The following BCL2 variants were observed in gnomAD, a reference collection of about 807,000 sequenced individuals.
The protein encoded by BCL2 is BCL2 apoptosis regulator.
In BCL2, 1 loss-of-function variant was observed where a neutral mutation model predicts 14.2. The observed-to-expected ratio is 0.07, with a 90% CI of 0.02 to 0.33. The LOEUF (loss-of-function observed/expected upper bound fraction) is 0.33, where lower values mean the gene tolerates loss of function less well. Ranked by LOEUF, BCL2 falls within the 10% of genes least tolerant of loss-of-function variation. The pLI is 0.99. For synonymous variants in BCL2, 151 were observed against 137.2 expected, an observed-to-expected ratio of 1.10 and a Z score of -0.70; for missense variants, 247 against 305.9, an observed-to-expected ratio of 0.81 and a Z score of 1.44.
intron 2 of BCL2, among the ~76,000 whole-genome samples, chr18:63,165,607 C>T (rs1915024170): frequency 6.6e-6 from 1 of 152,232 alleles, no homozygotes; most frequent in South Asian, 2.1e-4. Flanking sequence ...AATGGCTACA[C>T]AACCGGAAAA....
At chr18:63,283,511 T>C (rs1007829531) in intron 2 of BCL2, among the ~76,000 whole-genome samples, 1 of 152,226 alleles carries the variant, frequency 6.6e-6, no homozygotes, top group Non-Finnish European at 1.5e-5. Flanking sequence ...AGCCTAAAGA[T>C]GTTTGCGTGG....
intron 2 of BCL2, among the ~76,000 whole-genome samples, chr18:63,153,323 C>T (rs891242234): frequency 3.3e-5 from 5 of 152,196 alleles, no homozygotes; most frequent in Non-Finnish European, 5.9e-5. Context: ...AAGTGCCTGG[C>T]AGCAAAGGCA....
At chr18:63,202,400 A>C (rs754345063) in intron 2 of BCL2, among the ~76,000 whole-genome samples, 12 of 152,210 alleles carry the variant, frequency 7.9e-5, no homozygotes, top group Non-Finnish European at 4.4e-5. Flanking sequence ...GATTTAGAAG[A>C]CCTGGTCTGA....
At chr18:63,289,696 C>T (rs980605975) in intron 2 of BCL2, among the ~76,000 whole-genome samples, 2 of 152,112 alleles carry the variant, frequency 1.3e-5, no homozygotes, top group Non-Finnish European at 2.9e-5. Context: ...GAGTTCAAGA[C>T]CAGCCTGGCC....
intron 2 of BCL2, among the ~76,000 whole-genome samples, chr18:63,277,001 C>G (rs998804017): frequency 1.2e-4 from 19 of 152,104 alleles, no homozygotes; most frequent in Admixed American, 1.0e-3. Flanking sequence ...TTGGGTCTGG[C>G]CAGGGCTGCT....
rs562560425 is a variant in BCL2 at position 63,232,137 on chromosome 18, ACT to A, written c.585+85943_585+85944del. Among the ~76,000 whole-genome samples the A allele has an allele frequency of 1.5e-4, 23 of 152,216 alleles. 1 individual carries two copies. The East Asian group carries it at 4.4e-3, about 29-fold the overall frequency. On this transcript the variant is annotated intron_variant, in intron 2 of 2. Coordinates refer to ENST00000333681, the MANE Select transcript of BCL2 (RefSeq NM_000633.3). ...TATGGAGAAAAAAAATAGATCACTA[ACT>A]CACACTATATCCAAAAATGAATTCC...
chr18:63,274,277 CTTTTTTT>C (rs74169950), intron 2 of BCL2, among the ~76,000 whole-genome samples: 9 of 86,752 alleles, frequency 1.0e-4, no homozygotes, highest in East Asian at 3.5e-4. Flanking sequence ...TAAAGATACT[CTTTTTTT>C]TTTTTTTTTT....
intron 2 of BCL2, among the ~76,000 whole-genome samples, chr18:63,216,174 G>A (rs528765388): frequency 1.3e-5 from 2 of 151,988 alleles, no homozygotes; most frequent in East Asian, 3.9e-4. Context: ...CTATTTTCCG[G>A]ATTTTTCTGC....
At chr18:63,277,036 T>C (rs980609267) in intron 2 of BCL2, among the ~76,000 whole-genome samples, 4 of 152,140 alleles carry the variant, frequency 2.6e-5, no homozygotes, top group African/African-American at 9.7e-5. Context: ...TTCCCGCCAC[T>C]TTCCCTCCCT....
chr18:63,261,139 A>G (rs1911647933), intron 2 of BCL2, among the ~76,000 whole-genome samples: 1 of 152,156 alleles, frequency 6.6e-6, no homozygotes, highest in Admixed American at 6.5e-5. Context: ...TGATTTTCCC[A>G]TTTTAGTTTG....
chr18:63,297,965 T>C (rs1197915408), intron 2 of BCL2, among the ~76,000 whole-genome samples: 3 of 152,148 alleles, frequency 2.0e-5, no homozygotes, highest in Non-Finnish European at 4.4e-5. Context: ...TGCATTCTAT[T>C]AGGCAAATTT....
At chr18:63,147,848 G>T (rs1023071543) in intron 2 of BCL2, among the ~76,000 whole-genome samples, 1 of 152,062 alleles carries the variant, frequency 6.6e-6, no homozygotes, top group Admixed American at 6.5e-5. Flanking sequence ...TATTCCTCGG[G>T]CAATGGAACC....
Position 63,282,260 on chromosome 18 carries a change from C to T in BCL2, c.585+35822G>A, listed in dbSNP as rs531628309. Reference sequence around the variant, plus strand: ...TAAGAAAGCTAAGCTACAGGTCACTCTTTGATGATGTTTAAGCTGCAGTTC... The same window carrying T: ...TAAGAAAGCTAAGCTACAGGTCACTTTTTGATGATGTTTAAGCTGCAGTTC... On this transcript the variant is annotated intron_variant, in intron 2 of 2. Coordinates refer to ENST00000333681, the MANE Select transcript of BCL2 (RefSeq NM_000633.3). Among the ~76,000 whole-genome samples the T allele has an allele frequency of 3.0e-4, 46 of 152,320 alleles. 1 individual carries two copies. In the South Asian group the frequency reaches 8.7e-3, roughly 29 times the overall value.
chr18:63,185,146 T>C (rs1464813313), intron 2 of BCL2, among the ~76,000 whole-genome samples: 2 of 152,200 alleles, frequency 1.3e-5, no homozygotes, highest in East Asian at 3.8e-4. Flanking sequence ...ACATAACATA[T>C]ACATGAAATG....
Position 63,170,810 on chromosome 18 carries a change from A to G in BCL2, c.586-42051T>C, listed in dbSNP as rs143666066. Among the ~76,000 whole-genome samples the G allele has an allele frequency of 4.6e-5, 7 of 152,358 alleles. No individual in the cohort carries two copies. The East Asian group carries it at 1.3e-3, about 29-fold the overall frequency. On this transcript the variant is annotated intron_variant, in intron 2 of 2. Coordinates refer to ENST00000333681, the MANE Select transcript of BCL2 (RefSeq NM_000633.3). The stretch of plus-strand genomic sequence containing the variant: ...GTGCAAAGCAGGTATGAAATTAATC[A>G]GGCTTGTCATGGACGGTCACTGGGC...
At chr18:63,263,320 T>C (rs1911716705) in intron 2 of BCL2, among the ~76,000 whole-genome samples, 1 of 152,218 alleles carries the variant, frequency 6.6e-6, no homozygotes, top group African/African-American at 2.4e-5. Flanking sequence ...CAGTCCAGTG[T>C]AATTTTACTT....
chr18:63,252,901 G>C (rs1911356340), intron 2 of BCL2, among the ~76,000 whole-genome samples: 1 of 152,148 alleles, frequency 6.6e-6, no homozygotes, highest in African/African-American at 2.4e-5. Context: ...AACTAGAATA[G>C]AGTAGGTAGC....
At chr18:63,264,121 G>T (rs1279011802) in intron 2 of BCL2, among the ~76,000 whole-genome samples, 1 of 152,188 alleles carries the variant, frequency 6.6e-6, no homozygotes, top group African/African-American at 2.4e-5. Context: ...CATGCAGATG[G>T]CCCCGCCTTT....
At chr18:63,262,744 G>T (rs1022116167) in intron 2 of BCL2, among the ~76,000 whole-genome samples, 2 of 152,198 alleles carry the variant, frequency 1.3e-5, no homozygotes, top group Non-Finnish European at 2.9e-5. Context: ...CAGGCTAGGG[G>T]TCAGTGGTGT....
Sources: gnomAD v4.1 joint callset for allele counts (sites outside exome capture counted in the v4.1 genomes callset) on GRCh38, gnomAD v4.1.1 for gene constraint, MANE v1.5 for transcripts, NCBI Gene and HGNC (gene_info 2026-07-23, HGNC 2026-07-21) for gene names.